EPPK1: variants seen among roughly 807,000 people sequenced by gnomAD.
EPPK1 encodes the protein epiplakin.
For synonymous variants in EPPK1, 1,862 were observed against 1,721.2 expected, an observed-to-expected ratio of 1.08 and a Z score of -2.03; for missense variants, 3,823 against 3,673.3, an observed-to-expected ratio of 1.04 and a Z score of -1.05.
At position 143,873,176 on chromosome 8, in the gene EPPK1, C is replaced by T; in HGVS notation, c.78G>A (p.Met26Ile). Reference protein sequence around the residue: ...STEQASVPRAMAATLGAGTPP... With the variant: ...STEQASVPRAIAATLGAGTPP... ...GCGTGCCGGCTCCCAGCGTGGCTGCCATGGCTCTGGGTACACTGGCCTGCT... is the reference window on the plus strand; with the variant it reads ...GCGTGCCGGCTCCCAGCGTGGCTGCTATGGCTCTGGGTACACTGGCCTGCT... The change falls in exon 2 of 2, where the codon ATG becomes ATA. Residue 26 changes from methionine to isoleucine, a missense_variant. By Grantham distance (10) the Met-to-Ile change is conservative (BLOSUM62 1). Coordinates refer to ENST00000615648, the MANE Select transcript of EPPK1 (RefSeq NM_031308.4). 1 of 1,596,134 alleles carries T rather than the reference C, an allele frequency of 6.3e-7. No homozygotes were observed. Among genetic ancestry groups the T allele is most frequent in the Non-Finnish European group, 8.5e-7 (1 of 1,173,414 alleles).
At position 143,872,297 on chromosome 8, in the gene EPPK1, T is replaced by A; in HGVS notation, c.957A>T (p.Leu319=). The stretch of plus-strand genomic sequence containing the variant: ...GGGTGTGGGTGGCAGCCTGGGCCTC[T>A]AGGAGTGGCAGCGCGGTGCCCATTG... ...LLPMGTALPL[L]EAQAATHTLV... Residue 319 remains leucine (L), a synonymous_variant, in exon 2 of 2, where the codon CTA becomes CTT. Coordinates refer to ENST00000615648, the MANE Select transcript of EPPK1 (RefSeq NM_031308.4). 3 of 1,603,350 alleles carry A rather than the reference T, an allele frequency of 1.9e-6. No individual in the cohort carries two copies. The highest frequency in any genetic ancestry group is 2.6e-6 in the Non-Finnish European group (3 of 1,174,880).
Position 143,872,014 on chromosome 8 carries a change from G to A in EPPK1, c.1240C>T (p.Pro414Ser). ...CCGCAGCGCAGGGCGGCCTCCAGGG[G>A]CAGCCGGAGCCTGCGTGCTGGACAG... ...LVCPARRLRL[P>S]LEAALRCGCL... is the part of the protein sequence containing the mutation. The change falls in exon 2 of 2, where the codon CCC becomes TCC. Residue 414 changes from proline (P) to serine (S), a missense_variant. By Grantham distance (74) the Pro-to-Ser change is moderately conservative. Transcript: ENST00000615648. 3 of 1,569,244 alleles carry A rather than the reference G, an allele frequency of 1.9e-6. No individual in the cohort carries two copies. Among genetic ancestry groups the A allele is most frequent in the East Asian group, 2.3e-5 (1 of 42,690 alleles).
Position 143,866,920 on chromosome 8 carries a change from C to G in EPPK1, c.6334G>C (p.Val2112Leu), listed in dbSNP as rs782626446. Residue 2112 changes from valine to leucine, a missense_variant, in exon 2 of 2, where the codon GTG (valine) becomes CTG (leucine). By Grantham distance (32) the Val-to-Leu change is conservative. Transcript: ENST00000615648. ...GGTTTCTGGCCTCTGAACCTTCCCA[C>G]TGTGATTTCCACTTGCTCTGCCTCC... ...ALEAEQVEIT[V>L]GRFRGQKPTL... 2.5e-6 allele frequency: 4 copies of G among 1,613,016 alleles called. No individual in the cohort carries two copies. The highest frequency in any genetic ancestry group is 1.1e-5 in the South Asian group (1 of 91,086).
rs1554659127 is a variant in EPPK1, at chr8:143,866,691, C to G, written c.6563G>C (p.Ser2188Thr). 1 of 1,613,312 alleles carries G rather than the reference C, an allele frequency of 6.2e-7. No individual in the cohort carries two copies. The highest frequency in any genetic ancestry group is 1.1e-5 in the South Asian group (1 of 91,090). ...RRQITASELL[S>T]SAIITEEMLQ... Reference sequence around the variant, plus strand: ...CATTTCCTCCGTGATTATGGCTGAGCTGAGGAGTTCAGAAGCTGTGATCTG... The same window carrying G: ...CATTTCCTCCGTGATTATGGCTGAGGTGAGGAGTTCAGAAGCTGTGATCTG... The change falls in exon 2 of 2, where the codon AGC becomes ACC. Residue 2188 changes from serine (S) to threonine (T), a missense_variant. Coordinates refer to ENST00000615648, the MANE Select transcript of EPPK1 (RefSeq NM_031308.4).
chr8:143,868,536 A>G lies in EPPK1; in HGVS notation c.4718T>C (p.Ile1573Thr). The stretch of plus-strand genomic sequence containing the variant: ...GGTGCCCTGGATAAGGACCCCGGCA[A>G]TGAAGTTGCCTCCCTCCAGGGACCG... ...VKRSLEGGNFIAGVLIQGTQE... is the reference protein window; with the variant it reads ...VKRSLEGGNFTAGVLIQGTQE... The change falls in exon 2 of 2, where the codon ATT becomes ACT. Residue 1573 changes from isoleucine to threonine, a missense_variant. By Grantham distance (89) the Ile-to-Thr change is moderately conservative. Coordinates refer to ENST00000615648, the MANE Select transcript of EPPK1 (RefSeq NM_031308.4). 6.2e-7 allele frequency: 1 copy of G among 1,606,284 alleles called. No individual in the cohort carries two copies. Among genetic ancestry groups the G allele is most frequent in the South Asian group, 1.1e-5 (1 of 90,178 alleles).
At position 143,872,536 on chromosome 8, in the gene EPPK1, C is replaced by T. The variant is rs553766435; in HGVS notation, c.718G>A (p.Gly240Arg). ...PLKITFRSMG[G>R]AVSAAELLEV... ...AGCAGCTCAGCTGCACTCACCGCCC[C>T]GCCCATGGAGCGGAAGGTGATCTTG... Residue 240 changes from glycine (G) to arginine (R), a missense_variant, in exon 2 of 2, where the codon GGG becomes AGG. Coordinates refer to ENST00000615648, the MANE Select transcript of EPPK1 (RefSeq NM_031308.4). The T allele has an allele frequency of 2.1e-5, 34 of 1,603,560 alleles. No homozygotes were observed. The South Asian group carries it at 2.5e-4, about 12-fold the overall frequency.
In EPPK1 at chr8:143,870,019, T is replaced by C. The variant is rs561417970; in HGVS notation, c.3235A>G (p.Ser1079Gly). ...VDQEMETALS[S>G]SSETFPTPDG... ...GGTGTGGGGAAGGTTTCGGAGGAGC[T>C]GGACAAGGCTGTCTCCATCTCCTGG... is the stretch of plus-strand genomic sequence containing the variant. The change falls in exon 2 of 2, where the codon AGC becomes GGC. Residue 1079 changes from serine (S) to glycine (G), a missense_variant. Transcript: ENST00000615648. This position sits in a 1 kb window ranked among gnomAD's most constrained non-coding sequence, Gnocchi z 5.2. 5.0e-6 allele frequency: 8 copies of C among 1,610,352 alleles called. No homozygotes were observed. In the East Asian group the frequency reaches 1.1e-4, roughly 22 times the overall value.
At position 143,868,400 on chromosome 8, in the gene EPPK1, C is replaced by G. The variant is rs1819214913; in HGVS notation, c.4854G>C (p.Val1618=). 6.2e-7 allele frequency: 1 copy of G among 1,612,646 alleles called. No homozygotes were observed. The highest frequency in any genetic ancestry group is 2.2e-5 in the East Asian group (1 of 44,882). ...CCTCCACGGTCAGCTTCCGGTTCTC[C>G]ACGGGGTCGATGATGAAGCCGGTAG... ...QAATGFIIDP[V]ENRKLTVEEA... The change falls in exon 2 of 2, where the codon GTG becomes GTC. Residue 1618 remains valine (V), a synonymous_variant. Coordinates refer to ENST00000615648, the MANE Select transcript of EPPK1 (RefSeq NM_031308.4).
intron 1 of EPPK1, among the ~76,000 whole-genome samples, chr8:143,876,548 G>A (rs2130660731): frequency 6.6e-6 from 1 of 152,240 alleles, no homozygotes; most frequent in Non-Finnish European, 1.5e-5. Context: ...TTCCCTTCCT[G>A]AGGCCATCCT....
chr8:143,869,491 G>A lies in EPPK1; in HGVS notation c.3763C>T (p.Pro1255Ser), dbSNP rs548952557. Residue 1255 changes from proline (P) to serine (S), a missense_variant, in exon 2 of 2, where the codon CCC becomes TCC. Physicochemically the swap from Pro to Ser is moderately conservative, Grantham distance 74 (BLOSUM62 -1). Coordinates refer to ENST00000615648, the MANE Select transcript of EPPK1 (RefSeq NM_031308.4). ...TGCVAGVLLQ[P>S]SGAKASIAQA... is the part of the protein sequence containing the mutation. ...GCGATGCTGGCCTTGGCCCCAGAGG[G>A]CTGTAGCAGCACACCGGCCACGCAG... The A allele has an allele frequency of 1.9e-6, 3 of 1,548,220 alleles. No individual in the cohort carries two copies. The highest frequency in any genetic ancestry group is 2.3e-5 in the East Asian group (1 of 44,210).
rs781914069 is a variant in EPPK1, at chr8:143,868,571, GTCCATC to G, written c.4677_4682del (p.Glu1559_Met1560del). 2 of 1,603,868 alleles carry G rather than the reference GTCCATC, an allele frequency of 1.2e-6. No individual in the cohort carries two copies. Among genetic ancestry groups the G allele is most frequent in the South Asian group, 1.1e-5 (1 of 89,540 alleles). ...CTCCCTCCAGGGACCGCTTCACGCTGTCCATCTCCGCCACCTCCTTCACAGTCGTTG... is the reference window on the plus strand; with the variant it reads ...CTCCCTCCAGGGACCGCTTCACGCTGTCCGCCACCTCCTTCACAGTCGTTG... On this transcript the variant is annotated inframe_deletion, in exon 2 of 2. Coordinates refer to ENST00000615648, the MANE Select transcript of EPPK1 (RefSeq NM_031308.4).
Position 143,868,192 on chromosome 8 carries a change from C to A in EPPK1, c.5062G>T (p.Gly1688Cys), listed in dbSNP as rs542241940. ...CTGTGCACGGGGTCGATGATGCCGC[C>A]CGTGGCGATCTGGGCCTCCAGCAGG... ...IRLLEAQIATGGIIDPVHSHR... is the reference protein window; with the variant it reads ...IRLLEAQIATCGIIDPVHSHR... The change falls in exon 2 of 2, where the codon GGC (glycine) becomes TGC (cysteine). Residue 1688 changes from glycine (G) to cysteine (C), a missense_variant. Coordinates refer to ENST00000615648, the MANE Select transcript of EPPK1 (RefSeq NM_031308.4). 4 of 1,613,044 alleles carry A rather than the reference C, an allele frequency of 2.5e-6. No homozygotes were observed. In the South Asian group the frequency reaches 4.4e-5, roughly 18 times the overall value.
intron 1 of EPPK1, among the ~76,000 whole-genome samples, chr8:143,874,563 G>A (rs1462788804): frequency 2.6e-5 from 4 of 152,166 alleles, no homozygotes; most frequent in African/African-American, 9.7e-5. Flanking sequence ...GAAAAGGCAG[G>A]CAGGATCCTC....
At position 143,868,941 on chromosome 8, in the gene EPPK1, G is replaced by GT; in HGVS notation, c.4312dup (p.Thr1438AsnfsTer4). ...GGTGTGGTCGTCCACCTCAAGCACT[G>GT]TGTCTGAGGGCAGTGGCAACAGCAA... is the stretch of plus-strand genomic sequence containing the variant. On this transcript the variant is annotated frameshift_variant, in exon 2 of 2. Coordinates refer to ENST00000615648, the MANE Select transcript of EPPK1 (RefSeq NM_031308.4). LOFTEE classifies it low-confidence loss of function (END_TRUNC). 1 of 1,610,900 alleles carries GT rather than the reference G, an allele frequency of 6.2e-7. No individual in the cohort carries two copies. Among genetic ancestry groups the GT allele is most frequent in the Non-Finnish European group, 8.5e-7 (1 of 1,179,846 alleles).
rs1353597179 is a variant in EPPK1 at position 143,868,372 on chromosome 8, C to T, written c.4882G>A (p.Ala1628Thr). Residue 1628 changes from alanine to threonine, a missense_variant, in exon 2 of 2, where the codon GCG (alanine) becomes ACG (threonine). Physicochemically the swap from Ala to Thr is moderately conservative, Grantham distance 58. Coordinates refer to ENST00000615648, the MANE Select transcript of EPPK1 (RefSeq NM_031308.4). ...VENRKLTVEEAFKAGMFGKET... is the reference protein window; with the variant it reads ...VENRKLTVEETFKAGMFGKET... The stretch of plus-strand genomic sequence containing the variant: ...TTCCCGAACATTCCTGCTTTGAACG[C>T]CTCCTCCACGGTCAGCTTCCGGTTC... The T allele has an allele frequency of 8.7e-6, 14 of 1,612,886 alleles. No homozygotes were observed. In the South Asian group the frequency reaches 1.3e-4, roughly 15 times the overall value.
rs1586689208 is a variant in EPPK1 at position 143,867,693 on chromosome 8, A to C, written c.5561T>G (p.Val1854Gly). The C allele has an allele frequency of 1.2e-6, 2 of 1,612,832 alleles. No homozygotes were observed. The highest frequency in any genetic ancestry group is 1.7e-6 in the Non-Finnish European group (2 of 1,179,696). The change falls in exon 2 of 2, where the codon GTG becomes GGG. Residue 1854 changes from valine (V) to glycine (G), a missense_variant. By Grantham distance (109) the Val-to-Gly change is moderately radical. Coordinates refer to ENST00000615648, the MANE Select transcript of EPPK1 (RefSeq NM_031308.4). ...GGAGTTGAACAGGTCTGCAGCTGTC[A>C]CCTCCCCTCTGATGGCCGCCACTTT... ...GIKVAAIRGEVTAADLFNSRV... is the reference protein window; with the variant it reads ...GIKVAAIRGEGTAADLFNSRV...
chr8:143,870,482 C>G lies in EPPK1; in HGVS notation c.2772G>C (p.Arg924Ser). Residue 924 changes from arginine to serine, a missense_variant, in exon 2 of 2, where the codon AGG (arginine) becomes AGC (serine). Physicochemically the swap from Arg to Ser is moderately radical, Grantham distance 110. Transcript: ENST00000615648. This position sits in a 1 kb window ranked among gnomAD's most constrained non-coding sequence, Gnocchi z 5.2. ...CCACAGCTCCCAGGCCGCACAGGTA[C>G]CTGCGGACGCCGTCCATGAGTAGGA... ...EALLLMDGVR[R>S]YLCGLGAVGG... 6.2e-7 allele frequency: 1 copy of G among 1,604,586 alleles called. No homozygotes were observed. The highest frequency in any genetic ancestry group is 2.2e-5 in the East Asian group (1 of 44,766).
rs782429963 is a variant in EPPK1, at chr8:143,867,550, C to T, written c.5704G>A (p.Val1902Ile). 1.2e-6 allele frequency: 2 copies of T among 1,611,908 alleles called. No individual in the cohort carries two copies. Among genetic ancestry groups the T allele is most frequent in the East Asian group, 2.2e-5 (1 of 44,880 alleles). The change falls in exon 2 of 2, where the codon GTC becomes ATC. Residue 1902 changes from valine (V) to isoleucine (I), a missense_variant. Transcript: ENST00000615648. Reference protein sequence around the residue: ...YLEGSGCIAGVTVPSTREVMS... With the variant: ...YLEGSGCIAGITVPSTREVMS... ...ACCTCCCTGGTGGAGGGCACCGTGA[C>T]CCCCGCAATGCAGCCGCTGCCTTCC...
At position 143,876,880 on chromosome 8, in the gene EPPK1, C is replaced by G. The variant is rs1175590079; in HGVS notation, c.-46+1558G>C. ...AGTGCGGGCCAGGGTGGGGCAGGGCCAGCGAGGGCGGGGCAGGGCCAGTGA... is the reference window on the plus strand; with the variant it reads ...AGTGCGGGCCAGGGTGGGGCAGGGCGAGCGAGGGCGGGGCAGGGCCAGTGA... On this transcript the variant is annotated intron_variant, in intron 1 of 1. Transcript: ENST00000615648. 5.9e-5 allele frequency among the ~76,000 whole-genome samples: 9 copies of G among 151,860 alleles called. 1 individual carries two copies. The highest frequency in any genetic ancestry group is 3.9e-4 in the Admixed American group (6 of 15,260).
Sources: gnomAD v4.1 joint callset for allele counts (sites outside exome capture counted in the v4.1 genomes callset) on GRCh38, gnomAD v4.1.1 for gene constraint, Gnocchi (gnomAD v3.1) non-coding constraint, MANE v1.5 for transcripts, NCBI Gene and HGNC (gene_info 2026-07-23, HGNC 2026-07-21) for gene names.